Variants in HEATR4 observed in about 807,000 individuals in gnomAD.
HEATR4 encodes HEAT repeat containing 4.
HEATR4 carries 95 observed loss-of-function variants against 108.8 expected under a neutral mutation model. The observed-to-expected ratio is 0.87, with a 90% CI of 0.74 to 1.04. The LOEUF (loss-of-function observed/expected upper bound fraction) is 1.04. HEATR4 is among the 50% of genes least tolerant of loss of function. The probability of loss-of-function intolerance (pLI) is 0.00; values close to 1 mark genes in which losing one functional copy is unlikely to be tolerated. For missense variants in HEATR4, 1,152 were observed against 1,253.8 expected (o/e 0.92, Z 1.23); for synonymous variants, 443 against 459.4 (o/e 0.96, Z 0.46).
At chr14:73,479,355 C>A (rs149553410) in intron 17 of HEATR4, among the ~76,000 whole-genome samples, 1 of 151,884 alleles carries the variant, frequency 6.6e-6, no homozygotes, top group Non-Finnish European at 1.5e-5. Flanking sequence ...GACCTTGTGA[C>A]CAGCCCGCCT....
chr14:73,630,455 AC>A, the HEATR4 span, among the ~76,000 whole-genome samples: 3 of 152,176 alleles, frequency 2.0e-5, no homozygotes, highest in African/African-American at 7.2e-5. Flanking sequence ...TTCTTTACCT[AC>A]AACTGTCTTG....
chr14:73,520,801 T>C (rs2140295581), intron 4 of HEATR4, 51 bp downstream of exon 4: 1 of 1,530,548 alleles, frequency 6.5e-7, no homozygotes, highest in Non-Finnish European at 9.0e-7. Context: ...TCTTCCACCT[T>C]CCTGGCCCAT....
chr14:73,480,057 A>T (rs1302572735), intron 17 of HEATR4, among the ~76,000 whole-genome samples: 1 of 152,250 alleles, frequency 6.6e-6, no homozygotes, highest in Non-Finnish European at 1.5e-5. Context: ...CTTCACTAAT[A>T]AGTTATAATT....
the HEATR4 span, among the ~76,000 whole-genome samples, chr14:73,614,366 G>A: frequency 6.6e-6 from 1 of 152,110 alleles, no homozygotes; most frequent in Non-Finnish European, 1.5e-5. Context: ...GAATTCCTGG[G>A]GCTGGAATTG....
the HEATR4 span, chr14:73,592,086 G>A: frequency 6.7e-7 from 1 of 1,489,834 alleles, no homozygotes; most frequent in Non-Finnish European, 8.9e-7. Flanking sequence ...CGACGAGAAG[G>A]GCGCGCTCTT....
intron 17 of HEATR4, among the ~76,000 whole-genome samples, chr14:73,483,420 C>T (rs541084730): frequency 1.1e-4 from 16 of 152,232 alleles, no homozygotes; most frequent in African/African-American, 3.4e-4. Flanking sequence ...TTCACAGGCA[C>T]GATCATAGCT....
chr14:73,574,911 A>C, the HEATR4 span: 1 of 1,612,760 alleles, frequency 6.2e-7, no homozygotes, highest in Non-Finnish European at 8.5e-7. Flanking sequence ...TTCTCAGGTA[A>C]AAGGTCCAGG....
chr14:73,580,705 C>G, the HEATR4 span: 1 of 151,990 alleles, frequency 6.6e-6, no homozygotes, highest in Non-Finnish European at 1.5e-5. Context: ...AGATCCAGTC[C>G]CTGAAGCTGA....
chr14:73,483,057 T>C (rs139788823), intron 17 of HEATR4, among the ~76,000 whole-genome samples: 24 of 152,242 alleles, frequency 1.6e-4, no homozygotes, highest in African/African-American at 5.5e-4. Flanking sequence ...GAGAACCAAA[T>C]GTATAGAGCA....
the HEATR4 span, among the ~76,000 whole-genome samples, chr14:73,593,104 G>A: frequency 1.3e-5 from 2 of 152,138 alleles, no homozygotes; most frequent in African/African-American, 2.4e-5. Flanking sequence ...TTACCATGTC[G>A]TCTTCTCTAG....
At chr14:73,576,262 A>T in the HEATR4 span, among the ~76,000 whole-genome samples, 1 of 152,030 alleles carries the variant, frequency 6.6e-6, no homozygotes, top group South Asian at 2.1e-4. Flanking sequence ...TCCTTTAAGA[A>T]TGGAAGTTAA....
rs1395465653 is a variant in HEATR4 at position 73,545,009 on chromosome 14, C to A, written c.-152+13742G>T. 6.3e-5 allele frequency among the ~76,000 whole-genome samples: 7 copies of A among 111,294 alleles called. 2 individuals are homozygous for A. Among genetic ancestry groups the A allele is most frequent in the Non-Finnish European group, 9.7e-5 (5 of 51,520 alleles). 73.0% of individuals were successfully genotyped at this position (111,294 alleles called of 152,430 possible). ...ACAATAAACTTGATTTTTTCTTAAA[C>A]CTTAGTTGTATTTAAAAGAAAAAAA... is the stretch of plus-strand genomic sequence containing the variant. On this transcript the variant is annotated intron_variant, in intron 1 of 17. Coordinates refer to ENST00000553558, the MANE Select transcript of HEATR4 (RefSeq NM_001220484.1).
intron 3 of HEATR4, among the ~76,000 whole-genome samples, chr14:73,521,507 C>A (rs549447571): frequency 6.6e-6 from 1 of 152,282 alleles, no homozygotes; most frequent in South Asian, 2.1e-4. Context: ...GTATTCCCAG[C>A]ACTTTGCAGA....
the HEATR4 span, among the ~76,000 whole-genome samples, chr14:73,630,469 A>G: frequency 6.6e-6 from 1 of 152,218 alleles, no homozygotes; most frequent in East Asian, 1.9e-4. Flanking sequence ...CTGTCTTGGT[A>G]AATTCTTTTA....
intron 1 of HEATR4, among the ~76,000 whole-genome samples, chr14:73,549,338 C>A (rs574305064): frequency 1.7e-5 from 2 of 116,500 alleles, no homozygotes; most frequent in African/African-American, 5.6e-5. Context: ...GGTATAACAA[C>A]AATCCCATCT....
In HEATR4 at chr14:73,522,376, C is replaced by G. The variant is rs562663518; in HGVS notation, c.777G>C (p.Leu259=). 7 of 1,614,240 alleles carry G rather than the reference C, an allele frequency of 4.3e-6. No individual in the cohort carries two copies. In the African/African-American group the frequency reaches 9.3e-5, roughly 22 times the overall value. Reference sequence around the variant, plus strand: ...CTGTCTCTTCTGCCTCCAGCTGTTTCAGGAGCTCCAGGTCACTGGCAGAGG... The same window carrying G: ...CTGTCTCTTCTGCCTCCAGCTGTTTGAGGAGCTCCAGGTCACTGGCAGAGG... ...ELTSASDLEL[L]KQLEAEETAE... is the part of the protein sequence containing the mutation. Residue 259 remains leucine, a synonymous_variant, in exon 3 of 18, where the codon CTG becomes CTC. Coordinates refer to ENST00000553558, the MANE Select transcript of HEATR4 (RefSeq NM_001220484.1).
chr14:73,562,208 C>G (rs550132212), upstream of HEATR4, among the ~76,000 whole-genome samples: 4 of 151,856 alleles, frequency 2.6e-5, no homozygotes, highest in African/African-American at 9.7e-5. Context: ...TCAAGGACCC[C>G]GAATGGAGGG....
the HEATR4 span, among the ~76,000 whole-genome samples, chr14:73,628,794 G>T: frequency 6.6e-6 from 1 of 151,888 alleles, no homozygotes; most frequent in Admixed American, 6.6e-5. Flanking sequence ...GCTCATGCCG[G>T]TAATCCTAGC....
chr14:73,569,824 G>A, the HEATR4 span: 1 of 1,600,806 alleles, frequency 6.2e-7, no homozygotes, highest in Non-Finnish European at 8.5e-7. Flanking sequence ...CTCCCGCCCG[G>A]GGTGCGGCGC....
Sources: gnomAD v4.1 joint callset for allele counts (sites outside exome capture counted in the v4.1 genomes callset) on GRCh38, gnomAD v4.1.1 for gene constraint, MANE v1.5 for transcripts, NCBI Gene and HGNC (gene_info 2026-07-23, HGNC 2026-07-21) for gene names.